Variants in ZNF280D observed in about 807,000 individuals in gnomAD.
ZNF280D encodes the protein zinc finger protein 280D, also known as suppressor of hairy wing homolog 4.
Under a neutral mutation model 94.7 loss-of-function variants are expected in ZNF280D, and 39 were observed. The observed-to-expected ratio is 0.41, with a 90% CI of 0.32 to 0.54. ZNF280D has a LOEUF of 0.54. Among genes scored for constraint, ZNF280D ranks in the 20% least tolerant of loss-of-function variants. The pLI, the probability that ZNF280D is intolerant of heterozygous loss-of-function variation, is 0.22. For missense variants in ZNF280D, 1,090 were observed against 1,149.3 expected, an observed-to-expected ratio of 0.95 and a Z score of 0.75; for synonymous variants, 398 against 377.6, an observed-to-expected ratio of 1.05 and a Z score of -0.63.
Position 56,682,299 on chromosome 15 carries a change from G to A in ZNF280D, c.959C>T (p.Thr320Ile). 6.3e-7 allele frequency: 1 copy of A among 1,587,738 alleles called. No homozygotes were observed. The highest frequency in any genetic ancestry group is 8.5e-7 in the Non-Finnish European group (1 of 1,172,524). The stretch of plus-strand genomic sequence containing the variant: ...TTTCAAGCAACTGAAGCATTTAAAG[G>A]TTGTGTGAGTCTTCTGTTCCTCCTG... Reference protein sequence around the residue: ...DVQEEQKTHTTFKCFSCLKIL... With the variant: ...DVQEEQKTHTIFKCFSCLKIL... Residue 320 changes from threonine (T) to isoleucine (I), a missense_variant, in exon 10 of 22, where the codon ACC (threonine) becomes ATC (isoleucine). By Grantham distance (89) the Thr-to-Ile change is moderately conservative. Coordinates refer to ENST00000267807, the MANE Select transcript of ZNF280D (RefSeq NM_017661.4).
At chr15:56,700,644 A>G in intron 6 of ZNF280D, 1 of 1,316,482 alleles carries the variant, frequency 7.6e-7, no homozygotes, top group Non-Finnish European at 9.7e-7. Flanking sequence ...TCATTATGCA[A>G]TATTTATGGC....
intron 20 of ZNF280D, 46 bp downstream of exon 20, chr15:56,642,905 CT>C: frequency 7.4e-7 from 1 of 1,353,590 alleles, no homozygotes; most frequent in East Asian, 2.9e-5. Context: ...ACCAATAATA[CT>C]TTCAAATGTA....
rs556553772 is a variant in ZNF280D, at chr15:56,639,234, CA to C, written c.2259+3717del. ...AGAAAATTATTTAAAAAGATTGAAA[CA>C]AAAAAACAAAAAGATGAAAGGCCAG... On this transcript the variant is annotated intron_variant, in intron 20 of 21. Coordinates refer to ENST00000267807, the MANE Select transcript of ZNF280D (RefSeq NM_017661.4). Among the ~76,000 whole-genome samples, 43 of 122,814 alleles carry C rather than the reference CA, an allele frequency of 3.5e-4. No homozygotes were observed. In the South Asian group the frequency reaches 9.9e-3, roughly 28 times the overall value. 80.6% of individuals were successfully genotyped at this position (122,814 alleles called of 152,430 possible).
At chr15:56,661,444 T>C (rs2053938457) in intron 16 of ZNF280D, among the ~76,000 whole-genome samples, 1 of 152,186 alleles carries the variant, frequency 6.6e-6, no homozygotes, top group Non-Finnish European at 1.5e-5. Flanking sequence ...GAAGACATAA[T>C]AGTCTAACTA....
chr15:56,704,418 G>T (rs1596577287), intron 3 of ZNF280D, 151 bp from the exon 4 acceptor site: 1 of 737,920 alleles, frequency 1.4e-6, no homozygotes, highest in Non-Finnish European at 2.2e-6. Flanking sequence ...GGTAACAACA[G>T]TGAGAAATAC....
At chr15:56,727,421 T>G (rs530306876) in intron 1 of ZNF280D, among the ~76,000 whole-genome samples, 174 of 152,230 alleles carry the variant, frequency 1.1e-3, no homozygotes, top group Admixed American at 2.0e-3. Context: ...ATCACGCCAT[T>G]GCATTCCAGC....
rs1016910768 is a variant in ZNF280D at position 56,689,440 on chromosome 15, C to A, written c.530G>T (p.Arg177Leu). 1 of 1,562,422 alleles carries A rather than the reference C, an allele frequency of 6.4e-7. No homozygotes were observed. The highest frequency in any genetic ancestry group is 8.6e-7 in the Non-Finnish European group (1 of 1,156,550). Residue 177 changes from arginine (R) to leucine (L), a missense_variant, in exon 8 of 22, where the codon CGT becomes CTT. Arg to Leu is a moderately radical substitution (Grantham distance 102). Around this residue, in one of 3 missense-constraint regions of ZNF280D, gnomAD observed 386 missense variants for 372.0 expected, o/e 1.04. Coordinates refer to ENST00000267807, the MANE Select transcript of ZNF280D (RefSeq NM_017661.4). ...GMSESSFLSK[R>L]PSTSEVNNVN... The stretch of plus-strand genomic sequence containing the variant: ...ATTATTTACTTCAGAAGTAGAAGGA[C>A]GTTTTGATAAAAATGAACTTTCACT...
In ZNF280D at chr15:56,666,741, T is replaced by C. The variant is rs148191325; in HGVS notation, c.1791A>G (p.Lys597=). ...TATTGCTACTAGCCAATGTGCTTTG[T>C]TTCTTTTGCATATTAGAGATTTTTG... ...YKPKISNMQK[K]QSTLASSNKK... The change falls in exon 15 of 22, where the codon AAA becomes AAG. Residue 597 remains lysine (K), a synonymous_variant. Coordinates refer to ENST00000267807, the MANE Select transcript of ZNF280D (RefSeq NM_017661.4). The C allele has an allele frequency of 5.6e-6, 9 of 1,613,336 alleles. No individual in the cohort carries two copies. Among genetic ancestry groups the C allele is most frequent in the South Asian group, 4.4e-5 (4 of 91,026 alleles).
intron 1 of ZNF280D, among the ~76,000 whole-genome samples, chr15:56,709,119 G>A (rs1161647363): frequency 6.6e-6 from 1 of 151,914 alleles, no homozygotes; most frequent in Non-Finnish European, 1.5e-5. Flanking sequence ...TCTGACAAAG[G>A]GCTAATATCC....
intron 9 of ZNF280D, among the ~76,000 whole-genome samples, chr15:56,687,244 A>C (rs1455033498): frequency 2.6e-5 from 4 of 152,146 alleles, no homozygotes; most frequent in Non-Finnish European, 4.4e-5. Context: ...TTACAATGAC[A>C]GAGATACTTT....
Position 56,649,520 on chromosome 15 carries a change from G to A in ZNF280D, c.2213+4678C>T, listed in dbSNP as rs139990639. On this transcript the variant is annotated intron_variant, in intron 19 of 21. Coordinates refer to ENST00000267807, the MANE Select transcript of ZNF280D (RefSeq NM_017661.4). ...TTTGAGATATTAATGTCTATGGTAG[G>A]ATGAGAGAATCTAGGGGCTAAAATC... is the stretch of plus-strand genomic sequence containing the variant. Among the ~76,000 whole-genome samples, 298 of 152,118 alleles carry A rather than the reference G, an allele frequency of 2.0e-3. 1 individual carries two copies. Among genetic ancestry groups the A allele is most frequent in the African/African-American group, 6.9e-3 (285 of 41,528 alleles).
intron 17 of ZNF280D, among the ~76,000 whole-genome samples, chr15:56,657,937 T>G (rs2053660401): frequency 6.6e-6 from 1 of 152,144 alleles, no homozygotes; most frequent in Admixed American, 6.5e-5. Context: ...CACAGTAGTA[T>G]TATTCATAAG....
chr15:56,701,456 C>T (rs1329155606), intron 4 of ZNF280D, among the ~76,000 whole-genome samples: 2 of 151,992 alleles, frequency 1.3e-5, no homozygotes, highest in Non-Finnish European at 2.9e-5. Flanking sequence ...AGACTAAGAA[C>T]AATCTTTCTC....
intron 9 of ZNF280D, among the ~76,000 whole-genome samples, chr15:56,683,377 T>C (rs1416035082): frequency 2.6e-5 from 4 of 152,116 alleles, no homozygotes; most frequent in African/African-American, 4.8e-5. Context: ...TATAGGAGGA[T>C]AGAGCAAGCT....
At chr15:56,722,632 G>A (rs534098207) in intron 1 of ZNF280D, among the ~76,000 whole-genome samples, 3,584 of 152,172 alleles carry the variant, frequency 0.024, 75 homozygotes, top group South Asian at 0.052. Flanking sequence ...TGTTGGTGGG[G>A]CTGTAAACTA....
At chr15:56,666,643 TTTAAA>T (rs1268943457) in intron 15 of ZNF280D, 31 bp downstream of exon 15, 1 of 1,530,634 alleles carries the variant, frequency 6.5e-7, no homozygotes. Context: ...TATACTTAAG[TTTAAA>T]TTATATTGTA....
chr15:56,700,522 T>A (rs1567002632), intron 6 of ZNF280D: 14 of 1,026,814 alleles, frequency 1.4e-5, no homozygotes, highest in Non-Finnish European at 1.6e-5. Context: ...GTTTGTTTTT[T>A]TTTAACTAAC....
chr15:56,659,175 TAAAAAAAAAA>T (rs35057161), intron 16 of ZNF280D, among the ~76,000 whole-genome samples: 2 of 93,210 alleles, frequency 2.1e-5, no homozygotes, highest in East Asian at 3.4e-4. Flanking sequence ...TGTTTTTTAT[TAAAAAAAAAA>T]AAAAAAAAAA....
At chr15:56,707,433 T>A in intron 1 of ZNF280D, 127 bp from the exon 2 acceptor site, 2 of 689,636 alleles carry the variant, frequency 2.9e-6, no homozygotes, top group Non-Finnish European at 4.2e-6. Flanking sequence ...TAGTTCATTT[T>A]ACATAATTGG....
Sources: gnomAD v4.1 joint callset for allele counts (sites outside exome capture counted in the v4.1 genomes callset) on GRCh38, gnomAD v4.1.1 for gene constraint, gnomAD v4.1.1 regional missense constraint, MANE v1.5 for transcripts, NCBI Gene and HGNC (gene_info 2026-07-23, HGNC 2026-07-21) for gene names.